MAF: variants seen among roughly 807,000 people sequenced by gnomAD.
MAF encodes the protein transcription factor Maf.
Under a neutral mutation model 22.0 loss-of-function variants are expected in MAF, and 10 were observed. The ratio of observed to expected loss-of-function variants is 0.45; its 90% CI spans 0.28 to 0.77. MAF has a LOEUF of 0.77. Among genes scored for constraint, MAF ranks in the 30% least tolerant of loss-of-function variants. The pLI, the probability that MAF is intolerant of heterozygous loss-of-function variation, is 0.12. For missense variants in MAF, 544 were observed against 548.4 expected (o/e 0.99, Z 0.08); for synonymous variants, 337 against 255.8 (o/e 1.32, Z -3.03).
At chr16:79,255,686 G>C in the MAF span, among the ~76,000 whole-genome samples, 7 of 152,180 alleles carry the variant, frequency 4.6e-5, no homozygotes, top group Admixed American at 4.6e-4. Flanking sequence ...AAGAGAAGCA[G>C]ACAGTGAGGG....
chr16:79,520,362 C>A, the MAF span, among the ~76,000 whole-genome samples: 1 of 152,140 alleles, frequency 6.6e-6, no homozygotes, highest in Admixed American at 6.5e-5. Flanking sequence ...CCCATCTCCT[C>A]TGCAGCCATA....
the MAF span, among the ~76,000 whole-genome samples, chr16:79,364,497 G>A: frequency 2.0e-5 from 3 of 152,176 alleles, no homozygotes; most frequent in Non-Finnish European, 2.9e-5. Context: ...AACGGTCCCA[G>A]AACGGGGATG....
the MAF span, among the ~76,000 whole-genome samples, chr16:79,328,330 G>A: frequency 1.2e-4 from 18 of 152,118 alleles, no homozygotes; most frequent in African/African-American, 1.9e-4. Flanking sequence ...AGAGCCTAGA[G>A]ACAAGGAAAT....
At chr16:79,597,727 C>T (rs1421764295) in intron 1 of MAF, 13 of 1,018,098 alleles carry the variant, frequency 1.3e-5, no homozygotes, top group Non-Finnish European at 1.3e-5. Flanking sequence ...TATAAGTCTT[C>T]GAACGTCCAT....
the MAF span, among the ~76,000 whole-genome samples, chr16:79,540,576 T>C: frequency 6.6e-6 from 1 of 152,164 alleles, no homozygotes; most frequent in African/African-American, 2.4e-5. Flanking sequence ...ACAATGCTCA[T>C]TGGCATGGTC....
the MAF span, among the ~76,000 whole-genome samples, chr16:79,490,960 A>C: frequency 6.6e-6 from 1 of 152,194 alleles, no homozygotes; most frequent in Non-Finnish European, 1.5e-5. Flanking sequence ...CCAAAGTGTG[A>C]TAACCAAGGG....
In MAF at chr16:79,594,813, T is replaced by C. The variant is rs1038956809; in HGVS notation, c.1119-260A>G. 6 of 1,268,264 alleles carry C rather than the reference T, an allele frequency of 4.7e-6. No individual in the cohort carries two copies. The Admixed American group carries it at 1.4e-4, about 30-fold the overall frequency. 78.6% of individuals were successfully genotyped at this position (1,268,264 alleles called of 1,614,324 possible). ...CTTTTACTAGGAGTTAACCTTCTCT[T>C]ACAGCCAGCCACTCAAACCTCATTT... On this transcript the variant is annotated intron_variant, in intron 1 of 1. Transcript: ENST00000326043.
the MAF span, among the ~76,000 whole-genome samples, chr16:79,387,526 G>C: frequency 1.3e-5 from 2 of 152,278 alleles, no homozygotes; most frequent in South Asian, 4.1e-4. Context: ...TACATGAATA[G>C]TCAATGCTTG....
downstream of MAF, among the ~76,000 whole-genome samples, chr16:79,589,604 G>A (rs1401571387): frequency 7.2e-5 from 11 of 152,230 alleles, no homozygotes; most frequent in Admixed American, 6.5e-4. Flanking sequence ...CCGCGATCGG[G>A]TGGAGTGAGG....
At chr16:79,488,799 C>T in the MAF span, among the ~76,000 whole-genome samples, 58 of 152,200 alleles carry the variant, frequency 3.8e-4, no homozygotes, top group Admixed American at 2.3e-3. Context: ...ATCAACCTTC[C>T]GGGAGCATAT....
the MAF span, among the ~76,000 whole-genome samples, chr16:79,483,940 C>T: frequency 1.3e-5 from 2 of 152,180 alleles, no homozygotes; most frequent in Non-Finnish European, 1.5e-5. Flanking sequence ...TGTTACCCCT[C>T]CTGGTAGAGT....
the MAF span, among the ~76,000 whole-genome samples, chr16:79,222,111 A>ACAG: frequency 6.6e-6 from 1 of 152,198 alleles, no homozygotes; most frequent in East Asian, 1.9e-4. Flanking sequence ...TTTAAGACTA[A>ACAG]CAGCAGATCT....
chr16:79,246,610 G>A, the MAF span, among the ~76,000 whole-genome samples: 2 of 151,870 alleles, frequency 1.3e-5, no homozygotes, highest in Non-Finnish European at 2.9e-5. Context: ...GAAAAAAGGA[G>A]TAGAAAACAT....
chr16:79,391,238 G>A, the MAF span, among the ~76,000 whole-genome samples: 1 of 152,146 alleles, frequency 6.6e-6, no homozygotes, highest in Non-Finnish European at 1.5e-5. Context: ...TATACAATGG[G>A]AATAATAATG....
At chr16:79,472,540 C>T in the MAF span, among the ~76,000 whole-genome samples, 4 of 152,014 alleles carry the variant, frequency 2.6e-5, no homozygotes, top group Admixed American at 2.6e-4. Context: ...TTGTATGATT[C>T]CATCTCTTTA....
the MAF span, among the ~76,000 whole-genome samples, chr16:79,519,974 T>C: frequency 6.6e-6 from 1 of 152,352 alleles, no homozygotes; most frequent in South Asian, 2.1e-4. Context: ...GGGAACTCTG[T>C]CTGTGCAGGT....
the MAF span, among the ~76,000 whole-genome samples, chr16:79,342,253 A>G: frequency 6.6e-6 from 1 of 152,106 alleles, no homozygotes; most frequent in Non-Finnish European, 1.5e-5. Context: ...CTTTCTTTCT[A>G]TCTTGAATCT....
chr16:79,341,875 T>C, the MAF span, among the ~76,000 whole-genome samples: 3 of 152,050 alleles, frequency 2.0e-5, no homozygotes, highest in Non-Finnish European at 2.9e-5. Flanking sequence ...TGCTGGTGGA[T>C]TGGATGTGGC....
chr16:79,225,195 A>G, the MAF span, among the ~76,000 whole-genome samples: 33 of 152,370 alleles, frequency 2.2e-4, no homozygotes, highest in Middle Eastern at 3.4e-3. Context: ...CAAAGGCCTC[A>G]GAAATAGCAC....
Sources: allele counts gnomAD v4.1 joint callset (sites outside exome capture counted in the v4.1 genomes callset), GRCh38; gene constraint gnomAD v4.1.1; transcripts MANE v1.5; gene names NCBI Gene and HGNC (gene_info 2026-07-23, HGNC 2026-07-21).